The following KIAA1217 variants were observed in gnomAD, a reference collection of about 807,000 sequenced individuals.
KIAA1217 encodes the protein sickle tail protein homolog.
Under a neutral mutation model 163.9 loss-of-function variants are expected in KIAA1217, and 88 were observed. The observed-to-expected ratio is 0.54, with a 90% CI of 0.45 to 0.64. The LOEUF is 0.64. Among genes scored for constraint, KIAA1217 ranks in the 30% least tolerant of loss-of-function variants. The pLI, the probability that KIAA1217 is intolerant of heterozygous loss-of-function variation, is 0.00. For missense variants in KIAA1217, 2,372 were observed against 2,475.0 expected (o/e 0.96, Z 0.88); for synonymous variants, 903 against 923.1 (o/e 0.98, Z 0.39).
intron 1 of KIAA1217, among the ~76,000 whole-genome samples, chr10:23,999,120 C>A (rs901865199): frequency 6.6e-6 from 1 of 152,166 alleles, no homozygotes; most frequent in Non-Finnish European, 1.5e-5. Context: ...AAAACAACTG[C>A]ATTGCCTTTT....
chr10:24,311,989 C>T (rs7095243), intron 2 of KIAA1217, among the ~76,000 whole-genome samples: 23,027 of 152,000 alleles, frequency 0.15, 2,151 homozygotes, highest in East Asian at 0.4. Context: ...GGACTTTCCT[C>T]GAGGTGGAAT....
intron 1 of KIAA1217, among the ~76,000 whole-genome samples, chr10:23,716,099 G>T (rs551111526): frequency 2.2e-4 from 33 of 152,128 alleles, no homozygotes; most frequent in Non-Finnish European, 4.6e-4. Flanking sequence ...GACTAACGCT[G>T]CATGCAAGAG....
chr10:24,263,606 C>T (rs187357996), intron 2 of KIAA1217, among the ~76,000 whole-genome samples: 17 of 152,294 alleles, frequency 1.1e-4, no homozygotes, highest in South Asian at 8.3e-4. Flanking sequence ...TTATCTGTCT[C>T]CCATATGCGT....
At chr10:24,433,404 A>C (rs529753716) in intron 4 of KIAA1217, among the ~76,000 whole-genome samples, 1 of 152,136 alleles carries the variant, frequency 6.6e-6, no homozygotes, top group East Asian at 1.9e-4. Context: ...TATCCTAGTG[A>C]AGAAAGCAGA....
intron 2 of KIAA1217, among the ~76,000 whole-genome samples, chr10:24,090,332 CTTTTTTTTTT>C (rs35966270): frequency 1.7e-4 from 10 of 58,944 alleles, no homozygotes; most frequent in African/African-American, 7.0e-4. Context: ...ACATCCTGCT[CTTTTTTTTTT>C]TTTTTTTTTT....
intron 8 of KIAA1217, among the ~76,000 whole-genome samples, chr10:24,498,214 C>T (rs1280638301): frequency 6.6e-6 from 1 of 151,982 alleles, no homozygotes; most frequent in Non-Finnish European, 1.5e-5. Flanking sequence ...GAAGTGGACC[C>T]AGGGACACAA....
chr10:23,707,410 T>C lies in KIAA1217; in HGVS notation c.-321+12176T>C, dbSNP rs141772846. Among the ~76,000 whole-genome samples the C allele has an allele frequency of 1.4e-4, 22 of 152,272 alleles. No homozygotes were observed. In the East Asian group the frequency reaches 3.9e-3, roughly 27 times the overall value. On this transcript the variant is annotated intron_variant, in intron 1 of 18. Coordinates refer to the KIAA1217 transcript ENST00000376462. ...AAGTCTGGTGATAGGCCCATGTCAT[T>C]ATCCTCAGAGCAGTGTGTTTTCACT...
chr10:23,783,204 C>CA (rs34056698), intron 1 of KIAA1217, among the ~76,000 whole-genome samples: 32,837 of 151,848 alleles, frequency 0.22, 3,720 homozygotes, highest in Middle Eastern at 0.28. Flanking sequence ...AAAAAAATTG[C>CA]AAAAAAATCT....
intron 2 of KIAA1217, among the ~76,000 whole-genome samples, chr10:24,165,836 G>C (rs2065318774): frequency 6.6e-6 from 1 of 152,214 alleles, no homozygotes; most frequent in African/African-American, 2.4e-5. Flanking sequence ...CAGAAAAAAA[G>C]CAGTTTGCTG....
intron 1 of KIAA1217, among the ~76,000 whole-genome samples, chr10:23,992,852 G>C (rs1204549900): frequency 1.3e-5 from 2 of 151,768 alleles, no homozygotes; most frequent in Admixed American, 6.5e-5. Context: ...TGGAGTGTGA[G>C]GGTGGCAGGA....
At chr10:23,907,324 G>C (rs73604434) in intron 1 of KIAA1217, among the ~76,000 whole-genome samples, 13,875 of 151,240 alleles carry the variant, frequency 0.092, 2,120 homozygotes, top group African/African-American at 0.32. Flanking sequence ...GTGTGTATGA[G>C]AGAGAGAGAG....
intron 1 of KIAA1217, among the ~76,000 whole-genome samples, chr10:23,758,686 C>CTTTTTTTTTTTTT (rs34055872): frequency 6.7e-5 from 4 of 59,850 alleles, no homozygotes; most frequent in Non-Finnish European, 6.9e-5. Context: ...TTCTTTCTTT[C>CTTTTTTTTTTTTT]TTTTTTTTTT....
chr10:23,984,964 A>T (rs1380852166), intron 1 of KIAA1217, among the ~76,000 whole-genome samples: 1 of 151,794 alleles, frequency 6.6e-6, no homozygotes, highest in African/African-American at 2.4e-5. Context: ...CATGTATTTG[A>T]TTCCAGTCAG....
intron 1 of KIAA1217, among the ~76,000 whole-genome samples, chr10:23,962,574 A>G (rs187309309): frequency 7.9e-5 from 12 of 152,320 alleles, no homozygotes; most frequent in Admixed American, 7.2e-4. Context: ...AAGATACTAT[A>G]TATTGTGTCT....
At chr10:24,080,678 G>A (rs1454080876) in intron 2 of KIAA1217, among the ~76,000 whole-genome samples, 2 of 152,138 alleles carry the variant, frequency 1.3e-5, no homozygotes, top group East Asian at 3.8e-4. Flanking sequence ...AAGTATATTT[G>A]ACTTGATGTG....
At chr10:24,405,512 A>G (rs1483654046) in intron 3 of KIAA1217, among the ~76,000 whole-genome samples, 2 of 152,228 alleles carry the variant, frequency 1.3e-5, no homozygotes, top group Non-Finnish European at 2.9e-5. Context: ...AGAGAGAGTG[A>G]TCAGAATGAA....
chr10:23,983,774 C>T (rs1200659708), intron 1 of KIAA1217, among the ~76,000 whole-genome samples: 1 of 152,178 alleles, frequency 6.6e-6, no homozygotes, highest in Non-Finnish European at 1.5e-5. Context: ...ATACATTCAC[C>T]TCCATGCTAA....
intron 1 of KIAA1217, among the ~76,000 whole-genome samples, chr10:23,704,212 A>ATATATATATG (rs1279215986): frequency 8.2e-6 from 1 of 122,488 alleles, no homozygotes; most frequent in Non-Finnish European, 1.7e-5. Flanking sequence ...ATATATATAT[A>ATATATATATG]GTGAGCTCAG....
At chr10:24,359,235 G>A (rs757559873) in intron 2 of KIAA1217, among the ~76,000 whole-genome samples, 6 of 151,702 alleles carry the variant, frequency 4.0e-5, no homozygotes, top group Admixed American at 6.6e-5. Flanking sequence ...GACTACAGGC[G>A]TGTGCCACAA....
Sources: allele counts gnomAD v4.1 joint callset (sites outside exome capture counted in the v4.1 genomes callset), GRCh38; gene constraint gnomAD v4.1.1; transcripts MANE v1.5; gene names NCBI Gene and HGNC (gene_info 2026-07-23, HGNC 2026-07-21).